Variants in EYS observed in about 807,000 individuals in gnomAD.
EYS encodes the protein protein eyes shut homolog.
EYS carries 250 observed loss-of-function variants against 282.1 expected under a neutral mutation model. The ratio of observed to expected loss-of-function variants is 0.89; its 90% CI spans 0.80 to 0.98. EYS has a LOEUF of 0.98. Among genes scored for constraint, EYS ranks in the 50% least tolerant of loss-of-function variants. The pLI, the probability that EYS is intolerant of heterozygous loss-of-function variation, is 0.00. For synonymous variants in EYS, 1,355 were observed against 1,282.9 expected, an observed-to-expected ratio of 1.06 and a Z score of -1.20; for missense variants, 4,016 against 3,709.0, an observed-to-expected ratio of 1.08 and a Z score of -2.15.
At chr6:64,302,089 T>A (rs1582563184) in intron 30 of EYS, among the ~76,000 whole-genome samples, 2 of 152,348 alleles carry the variant, frequency 1.3e-5, no homozygotes, top group South Asian at 4.1e-4. Flanking sequence ...ACACATCCTA[T>A]TTTTATTACA....
chr6:64,611,606 G>T (rs547701562), intron 24 of EYS, among the ~76,000 whole-genome samples: 1 of 152,080 alleles, frequency 6.6e-6, no homozygotes, highest in South Asian at 2.1e-4. Context: ...TTAAGGATCT[G>T]CAAAAAATGG....
intron 22 of EYS, among the ~76,000 whole-genome samples, chr6:64,730,450 T>C (rs1771920668): frequency 6.6e-6 from 1 of 152,142 alleles, no homozygotes; most frequent in Admixed American, 6.5e-5. Context: ...CTGAATATCT[T>C]GGAGAAGAGC....
At chr6:64,635,844 A>T (rs576252226) in intron 22 of EYS, among the ~76,000 whole-genome samples, 15 of 152,252 alleles carry the variant, frequency 9.9e-5, no homozygotes, top group Non-Finnish European at 1.3e-4. Flanking sequence ...TCATAAAATG[A>T]GTTAGGGAGG....
chr6:63,867,339 T>C (rs1489961825), intron 35 of EYS, among the ~76,000 whole-genome samples: 1 of 152,198 alleles, frequency 6.6e-6, no homozygotes, highest in Non-Finnish European at 1.5e-5. Context: ...TTTTAAAAAT[T>C]TTATCCTTCA....
intron 12 of EYS, among the ~76,000 whole-genome samples, chr6:65,068,218 T>C (rs1773803276): frequency 6.6e-6 from 1 of 152,134 alleles, no homozygotes; most frequent in Non-Finnish European, 1.5e-5. Context: ...AGTGCATTTC[T>C]CATTTTCTCA....
intron 26 of EYS, among the ~76,000 whole-genome samples, chr6:64,578,890 T>C (rs1473716339): frequency 6.6e-6 from 1 of 152,094 alleles, no homozygotes; most frequent in Non-Finnish European, 1.5e-5. Context: ...TGACATTAAA[T>C]ACCATTTCAA....
chr6:65,688,693 C>T (rs1769122768), intron 1 of EYS, among the ~76,000 whole-genome samples: 1 of 151,972 alleles, frequency 6.6e-6, no homozygotes, highest in African/African-American at 2.4e-5. Flanking sequence ...AACAAACAAC[C>T]CCATCAACAA....
intron 19 of EYS, among the ~76,000 whole-genome samples, chr6:64,827,163 CT>C (rs1469642971): frequency 6.6e-6 from 1 of 151,828 alleles, no homozygotes; most frequent in Non-Finnish European, 1.5e-5. Flanking sequence ...ATCAAACTGG[CT>C]TAAAATTAAA....
At chr6:63,724,837 AT>A (rs951522792) in intron 42 of EYS, among the ~76,000 whole-genome samples, 9 of 152,140 alleles carry the variant, frequency 5.9e-5, no homozygotes, top group African/African-American at 2.2e-4. Context: ...AAATTTTTGG[AT>A]TTTAACTTTG....
intron 12 of EYS, among the ~76,000 whole-genome samples, chr6:65,275,223 G>A (rs998285229): frequency 5.9e-5 from 9 of 152,132 alleles, no homozygotes; most frequent in Admixed American, 3.3e-4. Flanking sequence ...CTTGCCATCC[G>A]CTGTGGCTAA....
intron 4 of EYS, among the ~76,000 whole-genome samples, chr6:65,492,980 G>C (rs573917063): frequency 6.6e-6 from 1 of 152,004 alleles, no homozygotes; most frequent in African/African-American, 2.4e-5. Flanking sequence ...GCAATGGCGC[G>C]ATCTCAGCTC....
At chr6:65,010,429 T>C (rs1771829663) in intron 13 of EYS, among the ~76,000 whole-genome samples, 1 of 152,364 alleles carries the variant, frequency 6.6e-6, no homozygotes, top group South Asian at 2.1e-4. Flanking sequence ...GACTGCGCAC[T>C]TGTGCAACTC....
At chr6:64,848,153 T>C (rs1477346089) in intron 19 of EYS, among the ~76,000 whole-genome samples, 1 of 152,048 alleles carries the variant, frequency 6.6e-6, no homozygotes, top group African/African-American at 2.4e-5. Context: ...TCTCTTTCTC[T>C]TTAATACATG....
At position 65,104,968 on chromosome 6, in the gene EYS, AATC is replaced by A. The variant is rs143207134; in HGVS notation, c.2024-47244_2024-47242del. Among the ~76,000 whole-genome samples, 690 of 151,782 alleles carry A rather than the reference AATC, an allele frequency of 4.5e-3. 3 individuals are homozygous for A. The highest frequency in any genetic ancestry group is 0.016 in the African/African-American group (654 of 41,516). On this transcript the variant is annotated intron_variant, in intron 12 of 42. Transcript: ENST00000503581. ...CTGAGATGTTCTAAAAAGAATAAGA[AATC>A]ATGAAAATATTTCTGCAGGCAAACA...
rs554254610 is a variant in EYS at position 64,082,180 on chromosome 6, A to C, written c.6425-178T>G. ...GTAATAAATTTATATTTATTGCCTCAAATAATTCACTACCAGTACAGAGGA... is the reference window on the plus strand; with the variant it reads ...GTAATAAATTTATATTTATTGCCTCCAATAATTCACTACCAGTACAGAGGA... On this transcript the variant is annotated intron_variant, in intron 31 of 42. Transcript: ENST00000503581. 8.5e-5 allele frequency among the ~76,000 whole-genome samples: 13 copies of C among 152,288 alleles called. No individual in the cohort carries two copies. The South Asian group carries it at 2.7e-3, about 32-fold the overall frequency.
intron 34 of EYS, among the ~76,000 whole-genome samples, chr6:63,986,164 T>C (rs1399097600): frequency 6.6e-6 from 1 of 151,678 alleles, no homozygotes. Flanking sequence ...AAAAAGCATA[T>C]GAAAAAAAGC....
intron 12 of EYS, among the ~76,000 whole-genome samples, chr6:65,245,970 GC>G (rs900780582): frequency 2.0e-5 from 3 of 151,954 alleles, no homozygotes; most frequent in Admixed American, 6.6e-5. Context: ...ACTGGAACCT[GC>G]CCCACCAACC....
intron 31 of EYS, among the ~76,000 whole-genome samples, chr6:64,166,276 T>C (rs1764288512): frequency 6.6e-6 from 1 of 152,228 alleles, no homozygotes; most frequent in South Asian, 2.1e-4. Context: ...CTACTTATGT[T>C]CGCTTAACGA....
At chr6:63,978,876 T>TA (rs578086521) in intron 35 of EYS, among the ~76,000 whole-genome samples, 145 of 151,864 alleles carry the variant, frequency 9.5e-4, no homozygotes, top group Non-Finnish European at 1.3e-3. Context: ...CTACAAATGT[T>TA]AAAAAAAGTC....
Sources: allele counts gnomAD v4.1 joint callset (sites outside exome capture counted in the v4.1 genomes callset), GRCh38; gene constraint gnomAD v4.1.1; transcripts MANE v1.5; gene names NCBI Gene and HGNC (gene_info 2026-07-23, HGNC 2026-07-21).